ARB2A: variants seen among roughly 807,000 people sequenced by gnomAD.
ARB2A encodes the protein cotranscriptional regulator ARB2A.
At chr5:93,920,749 G>GT in the ARB2A span, among the ~76,000 whole-genome samples, 1 of 152,026 alleles carries the variant, frequency 6.6e-6, no homozygotes, top group East Asian at 1.9e-4. Flanking sequence ...GTATAAAATC[G>GT]TAACTGCATA....
At chr5:93,643,475 A>G in the ARB2A span, among the ~76,000 whole-genome samples, 1 of 152,196 alleles carries the variant, frequency 6.6e-6, no homozygotes, top group Non-Finnish European at 1.5e-5. Context: ...AATAGCCCAT[A>G]GAATATGAAG....
chr5:93,685,793 T>C, the ARB2A span, among the ~76,000 whole-genome samples: 20 of 152,300 alleles, frequency 1.3e-4, no homozygotes, highest in African/African-American at 3.6e-4. Flanking sequence ...TCCTTGCCTC[T>C]TTCTACTTTC....
At chr5:94,045,597 A>G in the ARB2A span, among the ~76,000 whole-genome samples, 7 of 152,236 alleles carry the variant, frequency 4.6e-5, no homozygotes, top group African/African-American at 1.7e-4. Context: ...AAGAAAATAC[A>G]CAAAATTAGG....
the ARB2A span, chr5:93,865,755 A>G: frequency 1.0e-6 from 1 of 985,404 alleles, no homozygotes. Flanking sequence ...GAAATAAAGG[A>G]ACAAAACTGA....
At chr5:94,005,561 G>C in the ARB2A span, among the ~76,000 whole-genome samples, 1 of 152,050 alleles carries the variant, frequency 6.6e-6, no homozygotes, top group Non-Finnish European at 1.5e-5. Context: ...ATTGATTTTT[G>C]GCATTTCAAA....
chr5:93,745,618 T>C, the ARB2A span, among the ~76,000 whole-genome samples: 1 of 152,130 alleles, frequency 6.6e-6, no homozygotes, highest in Non-Finnish European at 1.5e-5. Context: ...ACAGAGGACA[T>C]GGCTTTGCTC....
chr5:94,057,421 G>A, the ARB2A span, among the ~76,000 whole-genome samples: 2 of 152,118 alleles, frequency 1.3e-5, no homozygotes, highest in South Asian at 4.1e-4. Context: ...AATGGGTATA[G>A]GGTTTCAGTT....
the ARB2A span, chr5:93,784,393 C>T: frequency 5.6e-6 from 9 of 1,613,044 alleles, no homozygotes; most frequent in Non-Finnish European, 5.1e-6. Flanking sequence ...CTCTCTCATC[C>T]ATTCTCGAAT....
the ARB2A span, among the ~76,000 whole-genome samples, chr5:94,049,002 A>G: frequency 6.6e-5 from 10 of 152,346 alleles, no homozygotes; most frequent in South Asian, 2.1e-4. Context: ...TCTTTATGTG[A>G]TAATTTAACC....
At chr5:93,853,689 G>T in the ARB2A span, among the ~76,000 whole-genome samples, 1 of 152,152 alleles carries the variant, frequency 6.6e-6, no homozygotes, top group Non-Finnish European at 1.5e-5. Flanking sequence ...TGTTGTCAAA[G>T]GCCTTTTCTG....
the ARB2A span, among the ~76,000 whole-genome samples, chr5:93,742,150 C>A: frequency 6.6e-6 from 1 of 152,042 alleles, no homozygotes; most frequent in Non-Finnish European, 1.5e-5. Context: ...CAGATTCTAC[C>A]CCCGACCCCA....
chr5:93,853,502 G>C, the ARB2A span, among the ~76,000 whole-genome samples: 1 of 152,132 alleles, frequency 6.6e-6, no homozygotes, highest in Admixed American at 6.5e-5. Flanking sequence ...ATGTTGAATA[G>C]GAGTGGTGAG....
At chr5:93,683,620 A>AC in the ARB2A span, 3 of 1,518,948 alleles carry the variant, frequency 2.0e-6, no homozygotes, top group Non-Finnish European at 2.7e-6. Context: ...ATCATTATCC[A>AC]CCTTAAAGTG....
chr5:93,852,920 A>T, the ARB2A span, among the ~76,000 whole-genome samples: 1 of 151,264 alleles, frequency 6.6e-6, no homozygotes, highest in African/African-American at 2.4e-5. Context: ...TTGGCTTAGG[A>T]CTGACTTGGC....
At chr5:93,728,241 G>A in the ARB2A span, among the ~76,000 whole-genome samples, 1 of 151,800 alleles carries the variant, frequency 6.6e-6, no homozygotes, top group Non-Finnish European at 1.5e-5. Flanking sequence ...AATTTCATAT[G>A]AGAATAAAAT....
the ARB2A span, among the ~76,000 whole-genome samples, chr5:93,885,343 A>G: frequency 2.0e-5 from 3 of 151,622 alleles, no homozygotes; most frequent in African/African-American, 7.2e-5. Flanking sequence ...ACTCTTAAAC[A>G]TTTTATGTTG....
At chr5:93,873,186 G>A in the ARB2A span, among the ~76,000 whole-genome samples, 1 of 151,862 alleles carries the variant, frequency 6.6e-6, no homozygotes, top group African/African-American at 2.4e-5. Context: ...CAGCTACTTG[G>A]AAGGCTGAGG....
chr5:93,710,300 T>C, the ARB2A span, among the ~76,000 whole-genome samples: 1 of 152,324 alleles, frequency 6.6e-6, no homozygotes, highest in East Asian at 1.9e-4. Flanking sequence ...GTGAAATAAA[T>C]ATTGAGACTT....
At chr5:93,797,116 G>A in the ARB2A span, among the ~76,000 whole-genome samples, 2 of 152,104 alleles carry the variant, frequency 1.3e-5, no homozygotes, top group African/African-American at 4.8e-5. Flanking sequence ...AAATACTGGA[G>A]TAGCACTTCA....
Sources: allele counts gnomAD v4.1 joint callset (sites outside exome capture counted in the v4.1 genomes callset), GRCh38; gene constraint gnomAD v4.1.1; transcripts MANE v1.5; gene names NCBI Gene and HGNC (gene_info 2026-07-23, HGNC 2026-07-21).